Variants in TAOK2 observed in about 807,000 individuals in gnomAD.
The protein encoded by TAOK2 is TAO kinase 2.
TAOK2 carries 42 observed loss-of-function variants against 122.5 expected under a neutral mutation model. The ratio of observed to expected loss-of-function variants is 0.34; its 90% CI spans 0.27 to 0.44. TAOK2 has a LOEUF of 0.44. Ranked by LOEUF, TAOK2 falls within the 20% of genes least tolerant of loss-of-function variation. The probability of loss-of-function intolerance (pLI) is 1.00; values close to 1 mark genes in which losing one functional copy is unlikely to be tolerated. For missense variants in TAOK2, 1,264 were observed against 1,644.9 expected, an observed-to-expected ratio of 0.77 and a Z score of 4.01; for synonymous variants, 704 against 677.6, an observed-to-expected ratio of 1.04 and a Z score of -0.61.
chr16:29,986,259 C>T lies in TAOK2; in HGVS notation c.1993-6C>T, dbSNP rs781235991. 6.6e-7 allele frequency: 1 copy of T among 1,511,074 alleles called. No homozygotes were observed. Among genetic ancestry groups the T allele is most frequent in the South Asian group, 1.3e-5 (1 of 74,650 alleles). 93.6% of individuals were successfully genotyped at this position (1,511,074 alleles called of 1,614,324 possible). A position where few individuals can be genotyped will look rare whatever the true frequency, so the allele number is the denominator to read the frequency against. On this transcript the variant is annotated splice_polypyrimidine_tract_variant and splice_region_variant and intron_variant, in intron 15 of 15. Coordinates refer to ENST00000308893, the MANE Select transcript of TAOK2 (RefSeq NM_016151.4). The surrounding 1 kb of genome is among the most constrained non-coding windows in gnomAD (Gnocchi z 4.2). ...GGCCCCGGGCCCTGCATTTCTTCTGCCTCAGGACCTGAACAAGAAGCAGAC... is the reference window on the plus strand; with the variant it reads ...GGCCCCGGGCCCTGCATTTCTTCTGTCTCAGGACCTGAACAAGAAGCAGAC...
In TAOK2 at chr16:29,988,089, G is replaced by A. The variant is rs1029477476; in HGVS notation, c.*109G>A. 5.9e-5 allele frequency: 85 copies of A among 1,437,112 alleles called. No individual in the cohort carries two copies. In the African/African-American group the frequency reaches 1.0e-3, roughly 18 times the overall value. The allele number at this position is 1,437,112 out of a possible 1,614,324, so 89.0% of individuals were successfully genotyped here. ...CCTCTCTTTTCACCCACCTTCCTCA[G>A]TTTGCTCACTTACCCCAGGCCCAGC... On this transcript the variant is annotated 3_prime_UTR_variant, in exon 16 of 16. Transcript: ENST00000308893.
chr16:29,976,413 G>T, intron 1 of TAOK2, among the ~76,000 whole-genome samples: 1 of 152,204 alleles, frequency 6.6e-6, no homozygotes, highest in East Asian at 1.9e-4. Context: ...CCAGCTTCCA[G>T]TTGGGCTGAG....
chr16:29,990,677 T>G, downstream of TAOK2: 1 of 1,117,210 alleles, frequency 9.0e-7, no homozygotes, highest in Non-Finnish European at 1.3e-6. Context: ...TGATAGATGT[T>G]GAGACCGCTG....
In TAOK2 at chr16:29,985,617, C is replaced by A; in HGVS notation, c.1788+39C>A. On this transcript the variant is annotated intron_variant, in intron 14 of 15. Coordinates refer to ENST00000308893, the MANE Select transcript of TAOK2 (RefSeq NM_016151.4). The surrounding 1 kb of genome is among the most constrained non-coding windows in gnomAD (Gnocchi z 6.9). ...GCTTGGGGGCGGAGCCGATGGCGAGCCAGGTGGGTCCTGACCCTGCTTCCC... is the reference window on the plus strand; with the variant it reads ...GCTTGGGGGCGGAGCCGATGGCGAGACAGGTGGGTCCTGACCCTGCTTCCC... The A allele has an allele frequency of 6.2e-7, 1 of 1,603,950 alleles. No individual in the cohort carries two copies. Among genetic ancestry groups the A allele is most frequent in the Non-Finnish European group, 8.5e-7 (1 of 1,172,754 alleles).
In TAOK2 at chr16:29,987,943, G is replaced by C; in HGVS notation, c.3671G>C (p.Arg1224Pro). 6.5e-6 allele frequency: 10 copies of C among 1,532,344 alleles called. No homozygotes were observed. In the South Asian group the frequency reaches 1.0e-4, roughly 16 times the overall value. The allele number at this position is 1,532,344 out of a possible 1,614,324, so 94.9% of individuals were successfully genotyped here. A position where few individuals can be genotyped will look rare whatever the true frequency, so the allele number is the denominator to read the frequency against. The change falls in exon 16 of 16, where the codon CGC becomes CCC. Residue 1224 changes from arginine (R) to proline (P), a missense_variant. Arg to Pro is a moderately radical substitution (Grantham distance 103). Coordinates refer to ENST00000308893, the MANE Select transcript of TAOK2 (RefSeq NM_016151.4). ...LPGTLAGRRS[R>P]TRQSRALPPW... Reference sequence around the variant, plus strand: ...GGGACTCTAGCCGGGCGGAGGTCACGCACCCGCCAGTCCCGGGCCCTGCCC... The same window carrying C: ...GGGACTCTAGCCGGGCGGAGGTCACCCACCCGCCAGTCCCGGGCCCTGCCC...
Position 29,981,728 on chromosome 16 carries a change from A to G in TAOK2, c.723A>G (p.Glu241=). The G allele has an allele frequency of 6.2e-7, 1 of 1,614,112 alleles. No homozygotes were observed. The highest frequency in any genetic ancestry group is 8.5e-7 in the Non-Finnish European group (1 of 1,180,016). ...CCTTATACCACATTGCACAGAACGA[A>G]TCCCCCGTGCTCCAGTCAGGACACT... ...MSALYHIAQN[E]SPVLQSGHWS... The change falls in exon 9 of 16, where the codon GAA becomes GAG. Residue 241 remains glutamate (E), a synonymous_variant. Coordinates refer to ENST00000308893, the MANE Select transcript of TAOK2 (RefSeq NM_016151.4).
chr16:29,981,217 C>G (rs1188475379), intron 8 of TAOK2: 2 of 309,126 alleles, frequency 6.5e-6, no homozygotes, highest in Non-Finnish European at 1.2e-5. Context: ...AGCCACTTCC[C>G]TGTTTCCCTC....
chr16:29,989,666 G>A (rs780673785), downstream of TAOK2: 9 of 1,613,964 alleles, frequency 5.6e-6, no homozygotes, highest in Admixed American at 5.0e-5. Context: ...AAGGCTCTGC[G>A]AGCACACTTG....
chr16:29,989,000 G>A (rs1468291164), downstream of TAOK2: 2 of 985,188 alleles, frequency 2.0e-6, no homozygotes, highest in Non-Finnish European at 1.2e-6. Flanking sequence ...CCCAAAATGG[G>A]GCAGCCCCTT....
At position 29,978,786 on chromosome 16, in the gene TAOK2, G is replaced by A; in HGVS notation, c.307-13G>A. 4 of 1,613,996 alleles carry A rather than the reference G, an allele frequency of 2.5e-6. No individual in the cohort carries two copies. Among genetic ancestry groups the A allele is most frequent in the South Asian group, 1.1e-5 (1 of 91,072 alleles). On this transcript the variant is annotated splice_polypyrimidine_tract_variant and intron_variant, in intron 4 of 15. Coordinates refer to ENST00000308893, the MANE Select transcript of TAOK2 (RefSeq NM_016151.4). The stretch of plus-strand genomic sequence containing the variant: ...CAGGAGACTCTGATCTCTGACCCTT[G>A]TCTCTTCCTTAGCTGGTAATGGAGT...
At chr16:29,989,567 C>T (rs758443104), downstream of TAOK2, 8 of 1,612,048 alleles carry the variant, frequency 5.0e-6, no homozygotes, top group Non-Finnish European at 6.8e-6. Context: ...CTGCCCCCAT[C>T]TCCCCTTGAT....
In TAOK2 at chr16:29,987,105, G is replaced by C; in HGVS notation, c.2833G>C (p.Gly945Arg). ...GCCCTGCCCTGCCAGCCAGCTCCCT[G>C]GACTCCTGTCCCATGGCCTCCTGGC... ...LRPCPASQLP[G>R]LLSHGLLAGL... The change falls in exon 16 of 16, where the codon GGA (glycine) becomes CGA (arginine). Residue 945 changes from glycine to arginine, a missense_variant. Coordinates refer to ENST00000308893, the MANE Select transcript of TAOK2 (RefSeq NM_016151.4). The C allele has an allele frequency of 6.2e-7, 1 of 1,613,018 alleles. No homozygotes were observed. Among genetic ancestry groups the C allele is most frequent in the Non-Finnish European group, 8.5e-7 (1 of 1,179,352 alleles).
Position 29,979,507 on chromosome 16 carries a change from G to C in TAOK2, c.654G>C (p.Leu218=). ...VWSLGITCIE[L]AERKPPLFNM... is the part of the protein sequence containing the mutation. ...CCTTGGGGATAACCTGCATCGAGCT[G>C]GGTAAGAACATCCTCCCTGTTCCCT... The change falls in exon 8 of 16, where the codon CTG becomes CTC. Residue 218 remains leucine (L), a splice_region_variant and synonymous_variant. Coordinates refer to ENST00000308893, the MANE Select transcript of TAOK2 (RefSeq NM_016151.4). The surrounding 1 kb of genome is among the most constrained non-coding windows in gnomAD (Gnocchi z 4.1). 4.6e-6 allele frequency: 7 copies of C among 1,529,882 alleles called. No individual in the cohort carries two copies. The highest frequency in any genetic ancestry group is 5.3e-6 in the Non-Finnish European group (6 of 1,138,050). 94.8% of individuals were successfully genotyped at this position (1,529,882 alleles called of 1,614,324 possible). A position where few individuals can be genotyped will look rare whatever the true frequency, so the allele number is the denominator to read the frequency against.
In TAOK2 at chr16:29,986,412, C is replaced by G; in HGVS notation, c.2140C>G (p.Leu714Val). ...CACCCGCCTGCAGCACCAGACGGAG[C>G]TGGGCAACCAGCTGGAGTACAACAA... ...ELTRLQHQTE[L>V]GNQLEYNKRR... Residue 714 changes from leucine to valine, a missense_variant, in exon 16 of 16, where the codon CTG becomes GTG. Coordinates refer to ENST00000308893, the MANE Select transcript of TAOK2 (RefSeq NM_016151.4). The surrounding 1 kb of genome is among the most constrained non-coding windows in gnomAD (Gnocchi z 4.2). The G allele has an allele frequency of 6.2e-7, 1 of 1,611,402 alleles. No individual in the cohort carries two copies.
rs759338845 is a variant in TAOK2, at chr16:29,979,074, C to A, written c.449+4C>A. 5 of 1,614,150 alleles carry A rather than the reference C, an allele frequency of 3.1e-6. No individual in the cohort carries two copies. In the Admixed American group the frequency reaches 6.7e-5, roughly 22 times the overall value. On this transcript the variant is annotated splice_donor_region_variant and intron_variant, in intron 6 of 15. Transcript: ENST00000308893. The surrounding 1 kb of genome is among the most constrained non-coding windows in gnomAD (Gnocchi z 4.1). Reference sequence around the variant, plus strand: ...ACTCCCACAACATGATCCATAGGTACAAGCAGCACCGGCAGTGCCTGGGAG... The same window carrying A: ...ACTCCCACAACATGATCCATAGGTAAAAGCAGCACCGGCAGTGCCTGGGAG...
At chr16:29,990,994 G>A, downstream of TAOK2, 2 of 1,597,268 alleles carry the variant, frequency 1.3e-6, no homozygotes, top group Non-Finnish European at 1.7e-6. Context: ...CAGGACTGGG[G>A]AGGGAGGGTG....
In TAOK2 at chr16:29,985,626, T is replaced by G. The variant is rs1596612336; in HGVS notation, c.1789-32T>G. On this transcript the variant is annotated intron_variant, in intron 14 of 15. Transcript: ENST00000308893. The surrounding 1 kb of genome is among the most constrained non-coding windows in gnomAD (Gnocchi z 6.9). Reference sequence around the variant, plus strand: ...CGGAGCCGATGGCGAGCCAGGTGGGTCCTGACCCTGCTTCCCTCTGCACTC... The same window carrying G: ...CGGAGCCGATGGCGAGCCAGGTGGGGCCTGACCCTGCTTCCCTCTGCACTC... The G allele has an allele frequency of 6.2e-7, 1 of 1,608,950 alleles. No homozygotes were observed.
chr16:29,990,698 C>T, downstream of TAOK2: 1 of 1,397,294 alleles, frequency 7.2e-7, no homozygotes, highest in Admixed American at 2.3e-5. Flanking sequence ...CTTCTTGAAA[C>T]CTTAGGGCCC....
chr16:29,985,919 C>A lies in TAOK2; in HGVS notation c.1992+58C>A. 6.4e-7 allele frequency: 1 copy of A among 1,553,880 alleles called. No individual in the cohort carries two copies. ...CACTCGTGGATCCCAGGGACCCACC[C>A]TTTTCCATTTTCCTCATTCTTGTCT... On this transcript the variant is annotated intron_variant, in intron 15 of 15. Coordinates refer to ENST00000308893, the MANE Select transcript of TAOK2 (RefSeq NM_016151.4). This position sits in a 1 kb window ranked among gnomAD's most constrained non-coding sequence, Gnocchi z 6.9.
Sources: gnomAD v4.1 joint callset for allele counts (sites outside exome capture counted in the v4.1 genomes callset) on GRCh38, gnomAD v4.1.1 for gene constraint, Gnocchi (gnomAD v3.1) non-coding constraint, MANE v1.5 for transcripts, NCBI Gene and HGNC (gene_info 2026-07-23, HGNC 2026-07-21) for gene names.